The following RPF2 variants were observed in gnomAD, a reference collection of about 807,000 sequenced individuals.
The protein encoded by RPF2 is brix domain containing 1.
Under a neutral mutation model 38.9 loss-of-function variants are expected in RPF2, and 21 were observed. The ratio of observed to expected loss-of-function variants is 0.54; its 90% confidence interval spans 0.38 to 0.78. The LOEUF (loss-of-function observed/expected upper bound fraction) is 0.78. Among genes scored for constraint, RPF2 ranks in the 30% least tolerant of loss-of-function variants. The probability of loss-of-function intolerance (pLI) is 0.00; values close to 1 mark genes in which losing one functional copy is unlikely to be tolerated. For synonymous variants in RPF2, 121 were observed against 126.2 expected (o/e 0.96, Z 0.28); for missense variants, 314 against 358.1 (o/e 0.88, Z 0.99).
rs1324135208 is a variant in RPF2, at chr6:111,025,607, T to A, written c.*25T>A. On this transcript the variant is annotated 3_prime_UTR_variant, in exon 10 of 10. Coordinates refer to ENST00000441448, the MANE Select transcript of RPF2 (RefSeq NM_032194.3). The stretch of plus-strand genomic sequence containing the variant: ...ATGGAACTTAGCCAGCCACTACTGT[T>A]TCATTGTGTTCTACTTAAGAGAATT... 2.6e-6 allele frequency: 4 copies of A among 1,551,170 alleles called. No homozygotes were observed. In the Admixed American group the frequency reaches 7.2e-5, roughly 28 times the overall value.
At chr6:110,990,269 C>CT (rs2114296580) in intron 3 of RPF2, among the ~76,000 whole-genome samples, 1 of 65,170 alleles carries the variant, frequency 1.5e-5, no homozygotes, top group East Asian at 1.7e-3. Flanking sequence ...TTTTTCTCTT[C>CT]AGGATCCCAT....
intron 4 of RPF2, 134 bp downstream of exon 4, chr6:110,991,920 G>A (rs1352531172): frequency 2.9e-6 from 1 of 345,938 alleles, no homozygotes; most frequent in African/African-American, 2.1e-5. Flanking sequence ...TGTGTAAAAT[G>A]GAGAGGAAAT....
At chr6:110,986,747 T>G (rs1225179990) in intron 2 of RPF2, among the ~76,000 whole-genome samples, 1 of 151,398 alleles carries the variant, frequency 6.6e-6, no homozygotes, top group African/African-American at 2.4e-5. Context: ...GGGTCAGGAG[T>G]TCGAGACCAG....
intron 5 of RPF2, among the ~76,000 whole-genome samples, chr6:110,998,426 T>G (rs1184824972): frequency 1.3e-5 from 2 of 151,496 alleles, no homozygotes; most frequent in Non-Finnish European, 1.5e-5. Context: ...AGCAGCTGAT[T>G]ACTAGCTGCT....
At chr6:111,021,694 G>A (rs1358503986) in intron 8 of RPF2, among the ~76,000 whole-genome samples, 1 of 152,152 alleles carries the variant, frequency 6.6e-6, no homozygotes, top group African/African-American at 2.4e-5. Context: ...AAGAGTAAAG[G>A]GGTACTCATA....
Position 110,985,053 on chromosome 6 carries a change from C to A in RPF2, c.71C>A (p.Pro24Gln). Residue 24 changes from proline to glutamine, a missense_variant, in exon 2 of 10, where the codon CCG becomes CAG. Pro to Gln is a moderately conservative substitution (Grantham distance 76). Coordinates refer to ENST00000441448, the MANE Select transcript of RPF2 (RefSeq NM_032194.3). ...AAGAGATTCCTTGAGAAGAGAGAAC[C>A]GAAACTCAATGAAAATATTAAAAAT... is the stretch of plus-strand genomic sequence containing the variant. ...RAKRFLEKREPKLNENIKNAM... is the reference protein window; with the variant it reads ...RAKRFLEKREQKLNENIKNAM... 2 of 1,612,240 alleles carry A rather than the reference C, an allele frequency of 1.2e-6. No homozygotes were observed. The highest frequency in any genetic ancestry group is 8.5e-7 in the Non-Finnish European group (1 of 1,179,556).
chr6:111,004,865 G>A (rs1311536440), intron 6 of RPF2, among the ~76,000 whole-genome samples: 4 of 152,050 alleles, frequency 2.6e-5, no homozygotes, highest in Non-Finnish European at 5.9e-5. Context: ...CACCACGCCC[G>A]GCCAAATATT....
At chr6:110,991,693 A>C (rs1771622586) in intron 3 of RPF2, 54 bp from the exon 4 acceptor site, 3 of 596,278 alleles carry the variant, frequency 5.0e-6, no homozygotes, top group Non-Finnish European at 8.5e-6. Context: ...TTAATATATT[A>C]ATTGTATATA....
chr6:111,016,489 C>T (rs576605066), intron 8 of RPF2, among the ~76,000 whole-genome samples: 1 of 151,852 alleles, frequency 6.6e-6, no homozygotes, highest in African/African-American at 2.4e-5. Flanking sequence ...TCCAGCTGCT[C>T]AGAAGGCTGA....
At chr6:111,016,946 T>A (rs1299387631) in intron 8 of RPF2, among the ~76,000 whole-genome samples, 4 of 152,084 alleles carry the variant, frequency 2.6e-5, no homozygotes, top group African/African-American at 9.7e-5. Flanking sequence ...CCGCCCTTAA[T>A]CCATTTAACC....
chr6:110,989,426 GAC>G (rs1345202562), intron 3 of RPF2, among the ~76,000 whole-genome samples: 1 of 152,088 alleles, frequency 6.6e-6, no homozygotes, highest in African/African-American at 2.4e-5. Flanking sequence ...TTAATCAAAT[GAC>G]AGACATATTT....
chr6:111,021,974 A>G (rs1438412406), intron 8 of RPF2, among the ~76,000 whole-genome samples: 1 of 152,252 alleles, frequency 6.6e-6, no homozygotes, highest in Non-Finnish European at 1.5e-5. Flanking sequence ...AATAAATCAT[A>G]GTGTTATTGA....
intron 6 of RPF2, among the ~76,000 whole-genome samples, chr6:111,006,903 A>G (rs6910651): frequency 0.13 from 19,621 of 151,880 alleles, 1,743 homozygotes; most frequent in East Asian, 0.5. Flanking sequence ...GAGAAACCCC[A>G]TCTCTACTAA....
Position 111,027,762 on chromosome 6 carries a change from G to A in RPF2, c.*2180G>A, listed in dbSNP as rs1424609339. On this transcript the variant is annotated 3_prime_UTR_variant, in exon 10 of 10. Transcript: ENST00000441448. The stretch of plus-strand genomic sequence containing the variant: ...TGTCTGATGGTAGAGGATCTAATAA[G>A]TATTGGAATGCTTCCTATTTGCTGA... 1 of 152,130 alleles carries A rather than the reference G, an allele frequency of 6.6e-6. No individual in the cohort carries two copies. Among genetic ancestry groups the A allele is most frequent in the Non-Finnish European group, 1.5e-5 (1 of 68,028 alleles). 9.4% of individuals were successfully genotyped at this position (152,130 alleles called of 1,614,324 possible). A position where few individuals can be genotyped will look rare whatever the true frequency, so the allele number is the denominator to read the frequency against.
intron 8 of RPF2, among the ~76,000 whole-genome samples, chr6:111,018,782 T>C (rs1772176334): frequency 6.6e-6 from 1 of 152,226 alleles, no homozygotes; most frequent in South Asian, 2.1e-4. Context: ...AATTTTTAGC[T>C]GGTTAAGATC....
intron 6 of RPF2, among the ~76,000 whole-genome samples, chr6:111,004,856 AC>A (rs1488770491): frequency 1.3e-5 from 2 of 152,198 alleles, no homozygotes; most frequent in Non-Finnish European, 2.9e-5. Flanking sequence ...GGTGTGAGCC[AC>A]CACGCCCGGC....
intron 6 of RPF2, among the ~76,000 whole-genome samples, chr6:111,006,762 A>T (rs939270177): frequency 2.0e-5 from 3 of 152,122 alleles, no homozygotes; most frequent in Non-Finnish European, 4.4e-5. Flanking sequence ...ACTCACCAGC[A>T]TGCCCAGCTA....
In RPF2 at chr6:111,015,762, A is replaced by G; in HGVS notation, c.502A>G (p.Arg168Gly). The change falls in exon 8 of 10, where the codon AGA (arginine) becomes GGA (glycine). Residue 168 changes from arginine (R) to glycine (G), a missense_variant. Transcript: ENST00000441448. ...RLKSLLIDFFRGPTVSNIRLA... is the reference protein window; with the variant it reads ...RLKSLLIDFFGGPTVSNIRLA... ...TTAATATGTGCTTTTAGATTTCTTC[A>G]GAGGCCCCACAGTATCAAATATCCG... 6.2e-7 allele frequency: 1 copy of G among 1,603,854 alleles called. No homozygotes were observed. Among genetic ancestry groups the G allele is most frequent in the East Asian group, 2.2e-5 (1 of 44,844 alleles).
intron 6 of RPF2, among the ~76,000 whole-genome samples, chr6:111,001,448 G>T (rs1178777308): frequency 6.6e-6 from 1 of 151,988 alleles, no homozygotes; most frequent in African/African-American, 2.4e-5. Flanking sequence ...CGCGATCTCA[G>T]CTCACTGCAG....
Sources: allele counts gnomAD v4.1 joint callset (sites outside exome capture counted in the v4.1 genomes callset), GRCh38; gene constraint gnomAD v4.1.1; transcripts MANE v1.5; gene names NCBI Gene and HGNC (gene_info 2026-07-23, HGNC 2026-07-21).